Variants in SLC2A9 observed in about 807,000 individuals in gnomAD.
SLC2A9 encodes solute carrier family 2, facilitated glucose transporter member 9.
Under a neutral mutation model 50.6 loss-of-function variants are expected in SLC2A9, and 39 were observed. The observed-to-expected ratio is 0.77, with a 90% confidence interval of 0.60 to 1.01. The LOEUF (loss-of-function observed/expected upper bound fraction) is 1.01. SLC2A9 is among the 50% of genes least tolerant of loss of function. SLC2A9 has a pLI of 0.00. For missense variants in SLC2A9, 686 were observed against 677.6 expected, an observed-to-expected ratio of 1.01 and a Z score of -0.14; for synonymous variants, 324 against 276.9, an observed-to-expected ratio of 1.17 and a Z score of -1.69.
At chr4:9,950,222 C>A (rs1749974893) in intron 5 of SLC2A9, among the ~76,000 whole-genome samples, 1 of 152,194 alleles carries the variant, frequency 6.6e-6, no homozygotes, top group Non-Finnish European at 1.5e-5. Context: ...TCTATTTCAA[C>A]ACTAACAATA....
intron 2 of SLC2A9, among the ~76,000 whole-genome samples, chr4:10,006,005 TG>T (rs1201390561): frequency 6.6e-6 from 1 of 152,164 alleles, no homozygotes; most frequent in Non-Finnish European, 1.5e-5. Flanking sequence ...TGGGTCGATA[TG>T]AAGTACACAA....
At chr4:9,866,584 G>A (rs367792042) in intron 10 of SLC2A9, among the ~76,000 whole-genome samples, 1 of 152,074 alleles carries the variant, frequency 6.6e-6, no homozygotes, top group Non-Finnish European at 1.5e-5. Context: ...GTGACAACCC[G>A]AGAACTGGGG....
chr4:9,782,614 C>G, intron 3 of SLC2A9: 1 of 1,614,000 alleles, frequency 6.2e-7, no homozygotes, highest in Non-Finnish European at 8.5e-7. Context: ...ACCTGCCAAA[C>G]AACCTGGCCA....
intron 6 of SLC2A9, among the ~76,000 whole-genome samples, chr4:9,934,776 G>A (rs6828184): frequency 0.28 from 43,081 of 152,094 alleles, 6,857 homozygotes; most frequent in African/African-American, 0.41. Flanking sequence ...AGTCCTGCAT[G>A]CATTAGCTAT....
chr4:9,882,635 G>T (rs1449792130), intron 10 of SLC2A9, among the ~76,000 whole-genome samples: 1 of 151,410 alleles, frequency 6.6e-6, no homozygotes, highest in Non-Finnish European at 1.5e-5. Context: ...CGTGAACCCG[G>T]GAGGCGGAGC....
chr4:9,928,033 TTGGGAGGCTGAGG>T (rs1560320383), intron 6 of SLC2A9, among the ~76,000 whole-genome samples: 2 of 152,190 alleles, frequency 1.3e-5, no homozygotes, highest in African/African-American at 4.8e-5. Flanking sequence ...ACTAATCTTT[TTGGGAGGCTGAGG>T]TGGGAGGACC....
At chr4:9,865,620 C>T (rs972897254) in intron 10 of SLC2A9, among the ~76,000 whole-genome samples, 7 of 152,198 alleles carry the variant, frequency 4.6e-5, no homozygotes, top group Non-Finnish European at 7.3e-5. Flanking sequence ...GTTCTTCTTG[C>T]ATAATAGCTC....
chr4:9,836,161 AG>A (rs1300674983), intron 10 of SLC2A9, among the ~76,000 whole-genome samples: 6 of 140,972 alleles, frequency 4.3e-5, no homozygotes, highest in Non-Finnish European at 6.2e-5. Flanking sequence ...AAAGGGTGGG[AG>A]GGGGGTGAGT....
intron 7 of SLC2A9, among the ~76,000 whole-genome samples, chr4:9,915,412 T>C (rs1473922553): frequency 2.6e-5 from 4 of 152,188 alleles, no homozygotes; most frequent in Non-Finnish European, 5.9e-5. Flanking sequence ...TAATTTTCTA[T>C]TTTTAGTAGA....
In SLC2A9 at chr4:9,980,968, T is replaced by C. The variant is rs1755649734; in HGVS notation, c.536-231A>G. On this transcript the variant is annotated intron_variant, in intron 4 of 11. Transcript: ENST00000264784. ...TCAGAGGACAGGACACAGCTGATGG[T>C]GTTGGTGGAGGTGATGGTATTGATG... 2.0e-5 allele frequency among the ~76,000 whole-genome samples: 3 copies of C among 152,076 alleles called. No homozygotes were observed. In the South Asian group the frequency reaches 6.2e-4, roughly 32 times the overall value.
downstream of SLC2A9, among the ~76,000 whole-genome samples, chr4:9,775,998 C>A (rs1717510744): frequency 6.6e-6 from 1 of 152,016 alleles, no homozygotes; most frequent in Admixed American, 6.5e-5. Context: ...ATCTGTGGTT[C>A]ACATCACTTC....
chr4:9,999,692 A>G (rs1256433390), intron 2 of SLC2A9, among the ~76,000 whole-genome samples: 1 of 152,102 alleles, frequency 6.6e-6, no homozygotes, highest in African/African-American at 2.4e-5. Flanking sequence ...CCTGGTTTTT[A>G]CTTGGATTCT....
chr4:9,889,429 A>G (rs937733377), intron 9 of SLC2A9, among the ~76,000 whole-genome samples: 1 of 152,192 alleles, frequency 6.6e-6, no homozygotes, highest in African/African-American at 2.4e-5. Flanking sequence ...TCAGAAAGAC[A>G]ATGGCCTGGA....
intron 3 of SLC2A9, among the ~76,000 whole-genome samples, chr4:9,809,646 A>C (rs927689507): frequency 2.0e-5 from 3 of 152,190 alleles, no homozygotes; most frequent in Non-Finnish European, 4.4e-5. Flanking sequence ...TAAGTTATTT[A>C]ACCTCAGTGA....
intron 2 of SLC2A9, among the ~76,000 whole-genome samples, chr4:10,007,012 G>C (rs1302299449): frequency 6.6e-6 from 1 of 152,126 alleles, no homozygotes; most frequent in African/African-American, 2.4e-5. Flanking sequence ...TGCTAGAAGA[G>C]TTCTTTGGAG....
intron 6 of SLC2A9, among the ~76,000 whole-genome samples, chr4:9,922,215 G>T (rs62293333): frequency 6.6e-6 from 1 of 151,926 alleles, no homozygotes; most frequent in Non-Finnish European, 1.5e-5. Context: ...AACTAACGCC[G>T]GAACAGAAAA....
chr4:10,003,411 C>G (rs1760200119), intron 2 of SLC2A9, among the ~76,000 whole-genome samples: 2 of 152,200 alleles, frequency 1.3e-5, no homozygotes, highest in African/African-American at 4.8e-5. Context: ...TCACCCACTA[C>G]CAAGCATTGC....
chr4:9,844,630 G>A (rs1728659620), intron 10 of SLC2A9, among the ~76,000 whole-genome samples: 1 of 152,216 alleles, frequency 6.6e-6, no homozygotes, highest in South Asian at 2.1e-4. Context: ...TGTTCTCTGT[G>A]AATCTGTGCT....
chr4:9,869,336 C>T (rs1003430900), intron 10 of SLC2A9, among the ~76,000 whole-genome samples: 16 of 152,084 alleles, frequency 1.1e-4, no homozygotes, highest in Non-Finnish European at 1.0e-4. Context: ...AGTAGCTTCC[C>T]ACTGGCTTCA....
Sources: gnomAD v4.1 joint callset for allele counts (sites outside exome capture counted in the v4.1 genomes callset) on GRCh38, gnomAD v4.1.1 for gene constraint, MANE v1.5 for transcripts, NCBI Gene and HGNC (gene_info 2026-07-23, HGNC 2026-07-21) for gene names.